The following EML6 variants were observed in gnomAD, a reference collection of about 807,000 sequenced individuals.
The protein encoded by EML6 is echinoderm microtubule-associated protein-like 6.
In EML6, 154 loss-of-function variants were observed where a neutral mutation model predicts 240.1. That is an observed-to-expected ratio of 0.64 (90% CI 0.56 to 0.73). EML6 has a LOEUF of 0.73. EML6 is among the 30% of genes least tolerant of loss of function. The pLI is 0.00. For missense variants in EML6, 2,964 were observed against 2,474.6 expected, an observed-to-expected ratio of 1.20 and a Z score of -4.20; for synonymous variants, 1,148 against 899.0, an observed-to-expected ratio of 1.28 and a Z score of -4.95.
chr2:54,954,807 T>C (rs1306596195), intron 32 of EML6, among the ~76,000 whole-genome samples: 1 of 152,216 alleles, frequency 6.6e-6, no homozygotes, highest in African/African-American at 2.4e-5. Context: ...ATTCTCAGGT[T>C]GGGTACTGCC....
chr2:54,811,969 A>G (rs976396934), intron 2 of EML6, among the ~76,000 whole-genome samples: 9 of 152,174 alleles, frequency 5.9e-5, no homozygotes, highest in African/African-American at 2.2e-4. Flanking sequence ...CTGAAGATAT[A>G]TTTTCCAGCA....
chr2:54,928,313 GGAC>G lies in EML6; in HGVS notation c.3677_3679del (p.Gly1226_Gln1227delinsGlu). On this transcript the variant is annotated inframe_deletion and splice_region_variant, in exon 27 of 42. Transcript: ENST00000356458. ...TAATAACCAATTTCGGGCTTTACAG[GGAC>G]AGCACGCAAGATTCAAGAAGTATGT... The G allele has an allele frequency of 6.4e-7, 1 of 1,551,622 alleles. No individual in the cohort carries two copies. Among genetic ancestry groups the G allele is most frequent in the Non-Finnish European group, 8.7e-7 (1 of 1,146,886 alleles).
At chr2:54,925,033 C>T (rs1268929776) in intron 26 of EML6, among the ~76,000 whole-genome samples, 1 of 152,158 alleles carries the variant, frequency 6.6e-6, no homozygotes, top group African/African-American at 2.4e-5. Context: ...CTTCCCAAAT[C>T]TGTGTTAAAG....
chr2:54,928,967 T>C (rs1426215851), intron 28 of EML6, among the ~76,000 whole-genome samples: 1 of 152,174 alleles, frequency 6.6e-6, no homozygotes, highest in Non-Finnish European at 1.5e-5. Flanking sequence ...TGGAAGTTGG[T>C]TATGGAATGT....
intron 12 of EML6, among the ~76,000 whole-genome samples, chr2:54,863,215 T>C (rs1670775502): frequency 6.6e-6 from 1 of 152,222 alleles, no homozygotes; most frequent in Non-Finnish European, 1.5e-5. Context: ...AAGTAAATGG[T>C]TGGGTTTATT....
chr2:54,739,393 G>T (rs1319054559), intron 2 of EML6, among the ~76,000 whole-genome samples: 1 of 152,146 alleles, frequency 6.6e-6, no homozygotes, highest in African/African-American at 2.4e-5. Flanking sequence ...TGAATGATAG[G>T]AAATCTTAGT....
At chr2:54,809,618 A>C (rs1448313669) in intron 2 of EML6, among the ~76,000 whole-genome samples, 1 of 152,150 alleles carries the variant, frequency 6.6e-6, no homozygotes, top group Admixed American at 6.5e-5. Flanking sequence ...ATTTGGGGAA[A>C]ATTCAAACAT....
intron 4 of EML6, among the ~76,000 whole-genome samples, chr2:54,820,074 A>G (rs760647344): frequency 1.2e-4 from 19 of 152,316 alleles, no homozygotes; most frequent in African/African-American, 4.3e-4. Context: ...GTGGAGTGCT[A>G]TTGAAAAATT....
rs778315035 is a variant in EML6, at chr2:54,962,593, T to C, written c.5039T>C (p.Ile1680Thr). The C allele has an allele frequency of 7.1e-6, 11 of 1,549,908 alleles. No individual in the cohort carries two copies. The highest frequency in any genetic ancestry group is 9.6e-6 in the Non-Finnish European group (11 of 1,146,094). ...EVGEKNAASN[I>T]LIDGHMEGEI... The stretch of plus-strand genomic sequence containing the variant: ...GGTGAAAAAAATGCTGCTTCTAACA[T>C]CCTGATTGATGGTCACATGGAAGGG... Residue 1680 changes from isoleucine (I) to threonine (T), a missense_variant, in exon 36 of 42, where the codon ATC becomes ACC. By Grantham distance (89) the Ile-to-Thr change is moderately conservative (BLOSUM62 -1). Transcript: ENST00000356458.
intron 2 of EML6, among the ~76,000 whole-genome samples, chr2:54,803,424 C>T (rs11693527): frequency 9.9e-5 from 15 of 152,036 alleles, no homozygotes; most frequent in Non-Finnish European, 2.1e-4. Flanking sequence ...GCTTTTTTCT[C>T]GGCTGTATCT....
rs368782766 is a variant in EML6 at position 54,907,350 on chromosome 2, T to A, written c.3410-3604T>A. Among the ~76,000 whole-genome samples the A allele has an allele frequency of 1.3e-3, 204 of 152,136 alleles. 4 individuals are homozygous for A. In the South Asian group the frequency reaches 0.041, roughly 31 times the overall value. ...GGTGAAACCCTATCTCTACTAAAAT[T>A]ACAAAAATCAGCCAGGTGTGGTGGC... On this transcript the variant is annotated intron_variant, in intron 24 of 41. Coordinates refer to ENST00000356458, the MANE Select transcript of EML6 (RefSeq NM_001039753.4).
chr2:54,898,531 G>A (rs1473498551), intron 21 of EML6, among the ~76,000 whole-genome samples: 1 of 152,136 alleles, frequency 6.6e-6, no homozygotes, highest in Non-Finnish European at 1.5e-5. Flanking sequence ...CAAAAACAAT[G>A]TCTGTATCCT....
chr2:54,803,894 A>G (rs1489795551), intron 2 of EML6, among the ~76,000 whole-genome samples: 1 of 152,232 alleles, frequency 6.6e-6, no homozygotes, highest in Non-Finnish European at 1.5e-5. Context: ...ACCGGGCACC[A>G]TCTGAGATGT....
chr2:54,902,106 G>C (rs139980091), intron 22 of EML6, among the ~76,000 whole-genome samples: 136 of 152,212 alleles, frequency 8.9e-4, no homozygotes, highest in African/African-American at 3.0e-3. Flanking sequence ...CAGAGAATTG[G>C]AGCAACTAAA....
At chr2:54,785,227 G>A (rs1371181263) in intron 2 of EML6, among the ~76,000 whole-genome samples, 1 of 144,410 alleles carries the variant, frequency 6.9e-6, no homozygotes. Context: ...CCAGACTGGA[G>A]TGCAGTGGCG....
At chr2:54,886,060 G>A (rs1345816184) in intron 17 of EML6, among the ~76,000 whole-genome samples, 1 of 151,302 alleles carries the variant, frequency 6.6e-6, no homozygotes, top group Non-Finnish European at 1.5e-5. Flanking sequence ...CAAAGTAGAG[G>A]GAATAGCATA....
chr2:54,960,442 G>C (rs938863306), intron 35 of EML6, 108 bp downstream of exon 35: 1 of 762,042 alleles, frequency 1.3e-6, no homozygotes, highest in African/African-American at 1.7e-5. Flanking sequence ...TTGAAACAAG[G>C]CCTCAATACA....
chr2:54,730,892 G>A (rs938437981), intron 2 of EML6, among the ~76,000 whole-genome samples: 9 of 152,270 alleles, frequency 5.9e-5, no homozygotes, highest in Admixed American at 3.3e-4. Context: ...AGTTTCTGCC[G>A]CCTCGAAGCT....
intron 28 of EML6, among the ~76,000 whole-genome samples, chr2:54,935,439 C>T (rs565646534): frequency 6.8e-4 from 103 of 152,228 alleles, no homozygotes; most frequent in South Asian, 4.4e-3. Context: ...ACTACTTTTG[C>T]GTATGTTTTT....
Sources: allele counts gnomAD v4.1 joint callset (sites outside exome capture counted in the v4.1 genomes callset), GRCh38; gene constraint gnomAD v4.1.1; transcripts MANE v1.5; gene names NCBI Gene and HGNC (gene_info 2026-07-23, HGNC 2026-07-21).